CRB1: variants seen among roughly 807,000 people sequenced by gnomAD.
CRB1 encodes protein crumbs homolog 1.
CRB1 carries 83 observed loss-of-function variants against 120.0 expected under a neutral mutation model. The observed-to-expected ratio is 0.69, with a 90% CI of 0.58 to 0.83. CRB1 has a LOEUF of 0.83. CRB1 is among the 40% of genes least tolerant of loss of function. CRB1 has a pLI of 0.00. For missense variants in CRB1, 1,699 were observed against 1,687.6 expected, an observed-to-expected ratio of 1.01 and a Z score of -0.12; for synonymous variants, 625 against 612.5, an observed-to-expected ratio of 1.02 and a Z score of -0.30.
At chr1:197,218,338 A>G in the CRB1 span, among the ~76,000 whole-genome samples, 1 of 152,214 alleles carries the variant, frequency 6.6e-6, no homozygotes, top group African/African-American at 2.4e-5. Flanking sequence ...GTAATTTGAG[A>G]TTGAAGGGTA....
chr1:197,304,928 G>T lies in CRB1; in HGVS notation c.71-23494G>T, dbSNP rs527465898. Among the ~76,000 whole-genome samples the T allele has an allele frequency of 1.1e-4, 17 of 152,326 alleles. No individual in the cohort carries two copies. In the South Asian group the frequency reaches 2.7e-3, roughly 24 times the overall value. ...GTCCTAATCCTTGGATCATAGCTAT[G>T]ACCTTGTGTTTTGTATTCGACAATT... On this transcript the variant is annotated intron_variant, in intron 1 of 11. Transcript: ENST00000367400.
intron 11 of CRB1, among the ~76,000 whole-genome samples, chr1:197,448,688 G>T (rs1460293919): frequency 6.6e-6 from 1 of 152,094 alleles, no homozygotes; most frequent in Non-Finnish European, 1.5e-5. Context: ...ATCTTGTATA[G>T]ACTCTTCTAG....
Position 197,435,597 on chromosome 1 carries a change from C to A in CRB1, c.3734C>A (p.Thr1245Lys). The A allele has an allele frequency of 6.2e-7, 1 of 1,612,412 alleles. No individual in the cohort carries two copies. Among genetic ancestry groups the A allele is most frequent in the Non-Finnish European group, 8.5e-7 (1 of 1,179,132 alleles). ...TCTTGCCTCTGTTTTGGAAATTTTA[C>A]AGGAAAATTTTGCAGGTGAGCATAA... ...GYSCLCFGNFTGKFCRQSRLP... is the reference protein window; with the variant it reads ...GYSCLCFGNFKGKFCRQSRLP... The change falls in exon 9 of 12, where the codon ACA (threonine) becomes AAA (lysine). Residue 1245 changes from threonine (T) to lysine (K), a missense_variant. By Grantham distance (78) the Thr-to-Lys change is moderately conservative. Coordinates refer to ENST00000367400, the MANE Select transcript of CRB1 (RefSeq NM_201253.3).
chr1:197,445,198 C>A (rs1193426353), intron 11 of CRB1, among the ~76,000 whole-genome samples: 2 of 152,130 alleles, frequency 1.3e-5, no homozygotes, highest in African/African-American at 4.8e-5. Flanking sequence ...TCCTCTGGAC[C>A]AAGCTTCTAA....
At chr1:197,300,029 G>T (rs1656774272) in intron 1 of CRB1, among the ~76,000 whole-genome samples, 1 of 151,942 alleles carries the variant, frequency 6.6e-6, no homozygotes, top group East Asian at 1.9e-4. Context: ...CACAAACCAT[G>T]CCCATATGGC....
At chr1:197,319,162 G>A in intron 1 of CRB1, among the ~76,000 whole-genome samples, 1 of 149,138 alleles carries the variant, frequency 6.7e-6, no homozygotes, top group South Asian at 2.1e-4. Flanking sequence ...GCTCAATGAT[G>A]GCTTTAAAAA....
chr1:197,412,839 A>C (rs557854692), intron 5 of CRB1, among the ~76,000 whole-genome samples: 30 of 152,246 alleles, frequency 2.0e-4, no homozygotes, highest in Non-Finnish European at 3.2e-4. Context: ...GAATGAATAC[A>C]TGCACTATTG....
chr1:197,393,782 C>A (rs975214756), intron 5 of CRB1, among the ~76,000 whole-genome samples: 1 of 140,360 alleles, frequency 7.1e-6, no homozygotes, highest in African/African-American at 2.8e-5. Flanking sequence ...GATTAAGGCA[C>A]ATTTATCTGT....
chr1:197,204,356 C>T, the CRB1 span, among the ~76,000 whole-genome samples: 9 of 152,146 alleles, frequency 5.9e-5, no homozygotes, highest in African/African-American at 1.9e-4. Flanking sequence ...GAATCTCCTC[C>T]GCTTTTCCAT....
At chr1:197,455,487 C>T (rs1666245712) in intron 11 of CRB1, among the ~76,000 whole-genome samples, 1 of 152,042 alleles carries the variant, frequency 6.6e-6, no homozygotes, top group Admixed American at 6.6e-5. Context: ...AATTTAGTTT[C>T]TACTAATTTT....
intron 4 of CRB1, among the ~76,000 whole-genome samples, chr1:197,353,836 A>C (rs1660256433): frequency 6.7e-6 from 1 of 149,560 alleles, no homozygotes; most frequent in Non-Finnish European, 1.5e-5. Flanking sequence ...AAAAAAAAAA[A>C]ACTTTATACA....
At chr1:197,291,306 T>C (rs1399308284) in intron 1 of CRB1, among the ~76,000 whole-genome samples, 2 of 151,974 alleles carry the variant, frequency 1.3e-5, no homozygotes, top group Admixed American at 1.3e-4. Flanking sequence ...GATTTTTACT[T>C]TATTCAACAC....
chr1:197,307,073 C>A (rs1368710220), intron 1 of CRB1, among the ~76,000 whole-genome samples: 1 of 152,028 alleles, frequency 6.6e-6, no homozygotes, highest in East Asian at 1.9e-4. Context: ...ATAAGTGGTA[C>A]CTGTAGGCAA....
chr1:197,302,321 G>A (rs1656914317), intron 1 of CRB1, among the ~76,000 whole-genome samples: 1 of 152,124 alleles, frequency 6.6e-6, no homozygotes. Context: ...TGTTTTTGCA[G>A]GCATAATGCA....
intron 9 of CRB1, among the ~76,000 whole-genome samples, chr1:197,437,325 G>T (rs914581068): frequency 6.6e-6 from 1 of 152,138 alleles, no homozygotes; most frequent in Admixed American, 6.6e-5. Context: ...AGGCACTGTT[G>T]TAGGTGCTAA....
At chr1:197,443,452 A>G (rs1369704726) in intron 11 of CRB1, 1 of 151,986 alleles carries the variant, frequency 6.6e-6, no homozygotes, top group Non-Finnish European at 1.5e-5. Context: ...TTGTTTCTAA[A>G]TTTATGAGCT....
intron 5 of CRB1, among the ~76,000 whole-genome samples, chr1:197,407,838 C>T (rs1176457117): frequency 2.0e-5 from 3 of 152,088 alleles, no homozygotes; most frequent in African/African-American, 7.2e-5. Flanking sequence ...ATTTACAGAC[C>T]TGTCATGTCC....
At chr1:197,304,792 A>G (rs1169633849) in intron 1 of CRB1, among the ~76,000 whole-genome samples, 2 of 152,190 alleles carry the variant, frequency 1.3e-5, no homozygotes, top group African/African-American at 4.8e-5. Flanking sequence ...CCTAAGTGTC[A>G]AGAGGCAGTT....
In CRB1 at chr1:197,472,096, G is replaced by C. The variant is rs573066980; in HGVS notation, c.4006-5568G>C. ...TTAATTGCACATAATGGTCTTACTTGGTTATTTGATGTAACACTAAATACA... is the reference window on the plus strand; with the variant it reads ...TTAATTGCACATAATGGTCTTACTTCGTTATTTGATGTAACACTAAATACA... On this transcript the variant is annotated intron_variant, in intron 11 of 11. Transcript: ENST00000367400. 8.5e-5 allele frequency among the ~76,000 whole-genome samples: 13 copies of C among 152,200 alleles called. No homozygotes were observed. In the South Asian group the frequency reaches 2.7e-3, roughly 32 times the overall value.
Sources: gnomAD v4.1 joint callset for allele counts (sites outside exome capture counted in the v4.1 genomes callset) on GRCh38, gnomAD v4.1.1 for gene constraint, MANE v1.5 for transcripts, NCBI Gene and HGNC (gene_info 2026-07-23, HGNC 2026-07-21) for gene names.